Variants in CHIC1 observed in about 807,000 individuals in gnomAD.
CHIC1 encodes the protein cysteine-rich hydrophobic domain-containing protein 1.
CHIC1 carries 7 observed loss-of-function variants against 18.5 expected under a neutral mutation model. The ratio of observed to expected loss-of-function variants is 0.38; its 90% confidence interval spans 0.22 to 0.71. The LOEUF (loss-of-function observed/expected upper bound fraction) is 0.71. Ranked by LOEUF, CHIC1 falls within the 30% of genes least tolerant of loss-of-function variation. The pLI is 0.49. For missense variants in CHIC1, 159 were observed against 176.9 expected (o/e 0.90, Z 0.57); for synonymous variants, 77 against 73.5 (o/e 1.05, Z -0.25).
At chrX:73,645,452 GA>G (rs1359914874) in intron 3 of CHIC1, among the ~76,000 whole-genome samples, 5 of 111,556 alleles carry the variant, frequency 4.5e-5, no homozygotes, top group African/African-American at 1.6e-4. Flanking sequence ...GATTATATGG[GA>G]ATTCTATTTT....
intron 3 of CHIC1, among the ~76,000 whole-genome samples, chrX:73,616,157 G>T (rs929837623): frequency 1.8e-5 from 2 of 110,888 alleles, no homozygotes; most frequent in African/African-American, 6.6e-5. Flanking sequence ...TAGGACTTGT[G>T]GGGGCATGGG....
At chrX:73,677,731 G>A (rs981544776) in intron 3 of CHIC1, among the ~76,000 whole-genome samples, 41 of 112,137 alleles carry the variant, frequency 3.7e-4, no homozygotes, top group South Asian at 7.4e-4. Flanking sequence ...CACACGGTGC[G>A]CTGCACCCAC....
intron 3 of CHIC1, among the ~76,000 whole-genome samples, chrX:73,596,379 G>C (rs1301476659): frequency 9.0e-6 from 1 of 111,104 alleles, no homozygotes; most frequent in Non-Finnish European, 1.9e-5. Flanking sequence ...AATGGGAGAG[G>C]ACATAAACAA....
chrX:73,578,383 T>A (rs2057510508), intron 2 of CHIC1, among the ~76,000 whole-genome samples: 1 of 110,672 alleles, frequency 9.0e-6, no homozygotes, highest in South Asian at 3.7e-4. Flanking sequence ...TATTACAGAA[T>A]ACTCAGTCAT....
rs1309152606 is a variant in CHIC1, at chrX:73,685,379, C to T, written c.*4374C>T. 1 of 111,654 alleles carries T rather than the reference C, an allele frequency of 9.0e-6. No homozygotes were observed. Among genetic ancestry groups the T allele is most frequent in the South Asian group, 3.7e-4 (1 of 2,706 alleles). 9.2% of individuals were successfully genotyped at this position (111,654 alleles called of 1,213,427 possible). A position where few individuals can be genotyped will look rare whatever the true frequency, so the allele number is the denominator to read the frequency against. ...GTTGGTATTCAGGCAAGAATTTTAG[C>T]TGTAACAACAATGGAAATATTGGAG... On this transcript the variant is annotated 3_prime_UTR_variant, in exon 6 of 6. Transcript: ENST00000373502.
chrX:73,582,436 T>C (rs2057532227), intron 2 of CHIC1, among the ~76,000 whole-genome samples: 1 of 110,098 alleles, frequency 9.1e-6, no homozygotes, highest in Non-Finnish European at 1.9e-5. Context: ...AGAAACTTGG[T>C]ACCTTGTTTT....
At chrX:73,668,541 G>A (rs1196440593) in intron 3 of CHIC1, among the ~76,000 whole-genome samples, 6 of 111,377 alleles carry the variant, frequency 5.4e-5, no homozygotes, top group African/African-American at 1.3e-4. Flanking sequence ...TGGGGTTTTT[G>A]TGTTTTTTTA....
At chrX:73,607,130 CTA>C (rs1174442030) in intron 3 of CHIC1, among the ~76,000 whole-genome samples, 1 of 108,927 alleles carries the variant, frequency 9.2e-6, no homozygotes, top group Non-Finnish European at 1.9e-5. Flanking sequence ...TGAGTTTTAT[CTA>C]TAAGTCTTTG....
chrX:73,593,876 A>G (rs747280519), intron 3 of CHIC1, among the ~76,000 whole-genome samples: 3 of 111,408 alleles, frequency 2.7e-5, no homozygotes, highest in Non-Finnish European at 3.8e-5. Context: ...TTTCTTTGCC[A>G]TCCGATTCTG....
At chrX:73,664,556 G>A (rs1394079649) in intron 3 of CHIC1, among the ~76,000 whole-genome samples, 1 of 110,845 alleles carries the variant, frequency 9.0e-6, no homozygotes, top group Non-Finnish European at 1.9e-5. Context: ...GATACCAGTG[G>A]CCTGGGTGTG....
intron 3 of CHIC1, among the ~76,000 whole-genome samples, chrX:73,637,012 G>A (rs1322468423): frequency 9.0e-6 from 1 of 111,413 alleles, no homozygotes; most frequent in Non-Finnish European, 1.9e-5. Context: ...TTGACCTCTG[G>A]CATTGAGTTA....
intron 3 of CHIC1, among the ~76,000 whole-genome samples, chrX:73,661,558 C>T (rs1054056203): frequency 9.0e-6 from 1 of 111,689 alleles, no homozygotes; most frequent in Non-Finnish European, 1.9e-5. Flanking sequence ...TTGCCATTAG[C>T]CAATGGGCCA....
chrX:73,655,808 A>G (rs2057946261), intron 3 of CHIC1, among the ~76,000 whole-genome samples: 1 of 109,235 alleles, frequency 9.2e-6, no homozygotes, highest in African/African-American at 3.3e-5. Context: ...AATGATTTAT[A>G]TTCCTTTGGT....
chrX:73,650,153 C>T (rs763792332), intron 3 of CHIC1, among the ~76,000 whole-genome samples: 3 of 112,101 alleles, frequency 2.7e-5, no homozygotes, highest in Admixed American at 1.9e-4. Context: ...AATGAGACAA[C>T]GTACCAGAAT....
chrX:73,648,815 T>G (rs1438846375), intron 3 of CHIC1, among the ~76,000 whole-genome samples: 1 of 111,320 alleles, frequency 9.0e-6, no homozygotes, highest in Non-Finnish European at 1.9e-5. Context: ...CCTAACCTAG[T>G]AAGAACAACA....
chrX:73,609,315 TATG>T (rs2057697362), intron 3 of CHIC1, among the ~76,000 whole-genome samples: 1 of 109,164 alleles, frequency 9.2e-6, no homozygotes, highest in Admixed American at 9.6e-5. Flanking sequence ...TACTATTTAT[TATG>T]ATATTAGATT....
At chrX:73,581,909 C>A (rs1318899828) in intron 2 of CHIC1, among the ~76,000 whole-genome samples, 2 of 110,311 alleles carry the variant, frequency 1.8e-5, no homozygotes, top group East Asian at 5.7e-4. Context: ...ATTTTATATA[C>A]CTCAACATAC....
chrX:73,637,225 C>T (rs192504229), intron 3 of CHIC1, among the ~76,000 whole-genome samples: 35 of 110,414 alleles, frequency 3.2e-4, no homozygotes, highest in African/African-American at 1.1e-3. Flanking sequence ...AAAGTTTCTT[C>T]TGAGAAATCA....
intron 3 of CHIC1, among the ~76,000 whole-genome samples, chrX:73,668,548 TTTA>T (rs2058015213): frequency 9.0e-6 from 1 of 111,622 alleles, no homozygotes; most frequent in Non-Finnish European, 1.9e-5. Flanking sequence ...TTTGTGTTTT[TTTA>T]TTGTTGTTTT....
Sources: gnomAD v4.1 joint callset for allele counts (sites outside exome capture counted in the v4.1 genomes callset) on GRCh38, gnomAD v4.1.1 for gene constraint, MANE v1.5 for transcripts, NCBI Gene and HGNC (gene_info 2026-07-23, HGNC 2026-07-21) for gene names.